Variants in OR6N2 observed in about 807,000 individuals in gnomAD.
OR6N2 encodes olfactory receptor family 6 subfamily N member 2, also known as olfactory receptor 6N2.
For missense variants in OR6N2, 399 were observed against 379.7 expected, an observed-to-expected ratio of 1.05 and a Z score of -0.42; for synonymous variants, 160 against 138.3, an observed-to-expected ratio of 1.16 and a Z score of -1.10.
At chr1:158,779,053 A>G (rs2102016634) in intron 1 of OR6N2, among the ~76,000 whole-genome samples, 1 of 149,760 alleles carries the variant, frequency 6.7e-6, no homozygotes, top group African/African-American at 2.5e-5. Context: ...TCAAAAACAA[A>G]CATGATAGAG....
In OR6N2 at chr1:158,776,985, A is replaced by G. The variant is rs1227225116; in HGVS notation, c.651T>C (p.Ser217=). The change falls in exon 2 of 2, where the codon TCT becomes TCC. Residue 217 remains serine (S), a synonymous_variant. Coordinates refer to ENST00000641131, the MANE Select transcript of OR6N2 (RefSeq NM_001005278.2). ...ILITFFFIMI[S]YARIIGAVLK... ...GCACAGCCCCAATGATCCTTGCATAAGAAATCATGATAAAGAAGAAAGTGA... is the reference window on the plus strand; with the variant it reads ...GCACAGCCCCAATGATCCTTGCATAGGAAATCATGATAAAGAAGAAAGTGA... 5.6e-6 allele frequency: 9 copies of G among 1,614,072 alleles called. No homozygotes were observed. Among genetic ancestry groups the G allele is most frequent in the Non-Finnish European group, 7.6e-6 (9 of 1,180,034 alleles).
At position 158,776,435 on chromosome 1, in the gene OR6N2, C is replaced by T. The variant is rs144865543; in HGVS notation, c.*247G>A. 530 of 327,192 alleles carry T rather than the reference C, an allele frequency of 1.6e-3. 3 individuals are homozygous for T. The highest frequency in any genetic ancestry group is 0.011 in the African/African-American group (489 of 46,454). The allele number at this position is 327,192 out of a possible 1,614,324, so 20.3% of individuals were successfully genotyped here. ...CTCTAGCTGGATGGAAATGTGTGGA[C>T]CTAGGAAATATACATGCTTTTTTTT... On this transcript the variant is annotated 3_prime_UTR_variant, in exon 2 of 2. Coordinates refer to ENST00000641131, the MANE Select transcript of OR6N2 (RefSeq NM_001005278.2).
Position 158,777,072 on chromosome 1 carries a change from G to A in OR6N2, c.564C>T (p.Ala188=). ...GAATGTTAGCAGATGTGTCCTTGCAGGCCAAGCTCAGCAAAGGTGGAAAGT... is the reference window on the plus strand; with the variant it reads ...GAATGTTAGCAGATGTGTCCTTGCAAGCCAAGCTCAGCAAAGGTGGAAAGT... ...FCDFPPLLSL[A]CKDTSANILV... The change falls in exon 2 of 2, where the codon GCC becomes GCT. Residue 188 remains alanine, a synonymous_variant. Coordinates refer to ENST00000641131, the MANE Select transcript of OR6N2 (RefSeq NM_001005278.2). 6.2e-7 allele frequency: 1 copy of A among 1,614,134 alleles called. No individual in the cohort carries two copies. Among genetic ancestry groups the A allele is most frequent in the African/African-American group, 1.3e-5 (1 of 75,042 alleles).
At chr1:158,777,740 G>T in intron 1 of OR6N2, 99 bp from the exon 2 acceptor site, 2 of 699,412 alleles carry the variant, frequency 2.9e-6, no homozygotes, top group Non-Finnish European at 2.4e-6. Flanking sequence ...CTTAAAAGTA[G>T]CACTGAAATT....
intron 1 of OR6N2, among the ~76,000 whole-genome samples, chr1:158,780,558 A>G (rs1274128868): frequency 2.6e-5 from 4 of 152,226 alleles, no homozygotes; most frequent in African/African-American, 9.6e-5. Flanking sequence ...CCCAAACATC[A>G]TATGTTAGCC....
rs771450756 is a variant in OR6N2, at chr1:158,776,875, C to T, written c.761G>A (p.Ser254Asn). Residue 254 changes from serine (S) to asparagine (N), a missense_variant, in exon 2 of 2, where the codon AGC becomes AAC. By Grantham distance (46) the Ser-to-Asn change is conservative. Coordinates refer to ENST00000641131, the MANE Select transcript of OR6N2 (RefSeq NM_001005278.2). ...HLAVVLIFFG[S>N]IIFMYVRLKK... ...TAGCCGCACATACATGAAGATGATG[C>T]TCCCAAAGAAGATGAGGACCACAGC... 10 of 1,613,992 alleles carry T rather than the reference C, an allele frequency of 6.2e-6. No individual in the cohort carries two copies. The highest frequency in any genetic ancestry group is 5.5e-5 in the South Asian group (5 of 91,072).
chr1:158,778,962 T>C (rs1657678168), intron 1 of OR6N2, among the ~76,000 whole-genome samples: 1 of 138,060 alleles, frequency 7.2e-6, no homozygotes, highest in Non-Finnish European at 1.5e-5. Context: ...GAGCTTGCAG[T>C]GAGCCGAGAT....
In OR6N2 at chr1:158,777,165, A is replaced by T. The variant is rs114399082; in HGVS notation, c.471T>A (p.Ile157=). 8.9e-4 allele frequency: 1,431 copies of T among 1,614,114 alleles called. 8 individuals are homozygous for T. The African/African-American group carries it at 0.017, about 19-fold the overall frequency. ...ACWTCGFLCP[I]SEVILASQLP... ...GCTGGGAGGCAAGGATGACCTCAGA[A>T]ATGGGACACAGGAAGCCACAAGTCC... Residue 157 remains isoleucine, a synonymous_variant, in exon 2 of 2, where the codon ATT becomes ATA. Transcript: ENST00000641131.
Position 158,777,144 on chromosome 1 carries a change from G to A in OR6N2, c.492C>T (p.Ser164=), listed in dbSNP as rs1657620515. The change falls in exon 2 of 2, where the codon TCC becomes TCT. Residue 164 remains serine (S), a synonymous_variant. Coordinates refer to ENST00000641131, the MANE Select transcript of OR6N2 (RefSeq NM_001005278.2). ...CATTGTAAGCACAAAATGGGAGCTG[G>A]GAGGCAAGGATGACCTCAGAAATGG... The part of the protein sequence containing the change: ...LCPISEVILA[S]QLPFCAYNEI... The A allele has an allele frequency of 1.2e-6, 2 of 1,613,990 alleles. No homozygotes were observed. Among genetic ancestry groups the A allele is most frequent in the South Asian group, 1.1e-5 (1 of 91,082 alleles).
At chr1:158,780,465 T>A (rs1023361945) in intron 1 of OR6N2, among the ~76,000 whole-genome samples, 1 of 152,124 alleles carries the variant, frequency 6.6e-6, no homozygotes. Flanking sequence ...GAGAATACAA[T>A]ATAGATGCTC....
chr1:158,777,345 G>T lies in OR6N2; in HGVS notation c.291C>A (p.Cys97Ter), dbSNP rs1657628520. 1 of 1,614,166 alleles carries T rather than the reference G, an allele frequency of 6.2e-7. No homozygotes were observed. The highest frequency in any genetic ancestry group is 2.2e-5 in the East Asian group (1 of 44,882). ...AGTGGAAGAAGTAGGTCTGAAGGAG[G>T]CATCCTGCAAAAGAAATGGTTTTCT... ...SEKKTISFAG[C>*]LLQTYFFHSL... Residue 97 changes from cysteine (C) to a stop codon, truncating the protein, a stop_gained, in exon 2 of 2, where the codon TGC becomes TGA. Coordinates refer to ENST00000641131, the MANE Select transcript of OR6N2 (RefSeq NM_001005278.2). LOFTEE classifies it low-confidence loss of function (END_TRUNC).
rs1263026004 is a variant in OR6N2, at chr1:158,775,028, T to C, written c.*1654A>G. On this transcript the variant is annotated 3_prime_UTR_variant, in exon 2 of 2. Transcript: ENST00000641131. ...TCATCCTATTTAGGTGCTGTGTTAG[T>C]TTCTGGACACACAACAAATAAAAAA... 6.6e-6 allele frequency: 1 copy of C among 152,236 alleles called. No homozygotes were observed. Among genetic ancestry groups the C allele is most frequent in the East Asian group, 1.9e-4 (1 of 5,202 alleles). 9.4% of individuals were successfully genotyped at this position (152,236 alleles called of 1,614,324 possible). A position where few individuals can be genotyped will look rare whatever the true frequency, so the allele number is the denominator to read the frequency against.
rs1254903945 is a variant in OR6N2, at chr1:158,777,448, A to G, written c.188T>C (p.Val63Ala). Reference sequence around the variant, plus strand: ...CAACTCCAAGAAGGAAAGAACACTGACAAAGTGGTACATAGGTGTGTGCAG... The same window carrying G: ...CAACTCCAAGAAGGAAAGAACACTGGCAAAGTGGTACATAGGTGTGTGCAG... Reference protein sequence around the residue: ...AALHTPMYHFVSVLSFLELWY... With the variant: ...AALHTPMYHFASVLSFLELWY... Residue 63 changes from valine (V) to alanine (A), a missense_variant, in exon 2 of 2, where the codon GTC (valine) becomes GCC (alanine). Coordinates refer to ENST00000641131, the MANE Select transcript of OR6N2 (RefSeq NM_001005278.2). The G allele has an allele frequency of 6.2e-7, 1 of 1,614,212 alleles. No individual in the cohort carries two copies. Among genetic ancestry groups the G allele is most frequent in the South Asian group, 1.1e-5 (1 of 91,080 alleles).
Position 158,777,171 on chromosome 1 carries a change from A to G in OR6N2, c.465T>C (p.Cys155=). ...AAACWTCGFL[C]PISEVILASQ... ...AGGCAAGGATGACCTCAGAAATGGG[A>G]CACAGGAAGCCACAAGTCCAACAAG... The change falls in exon 2 of 2, where the codon TGT becomes TGC. Residue 155 remains cysteine (C), a synonymous_variant. Coordinates refer to ENST00000641131, the MANE Select transcript of OR6N2 (RefSeq NM_001005278.2). 6.2e-7 allele frequency: 1 copy of G among 1,614,112 alleles called. No homozygotes were observed.
chr1:158,780,998 A>T (rs1389852838), intron 1 of OR6N2, among the ~76,000 whole-genome samples, 172 bp downstream of exon 1: 1 of 152,222 alleles, frequency 6.6e-6, no homozygotes, highest in African/African-American at 2.4e-5. Context: ...TCCAAATCTG[A>T]TACTCTAAGA....
Position 158,774,605 on chromosome 1 carries a change from T to G in OR6N2, c.*2077A>C, listed in dbSNP as rs542680960. The G allele has an allele frequency of 6.6e-6, 1 of 152,200 alleles. No homozygotes were observed. The highest frequency in any genetic ancestry group is 1.5e-5 in the Non-Finnish European group (1 of 68,044). The allele number at this position is 152,200 out of a possible 1,614,324, so 9.4% of individuals were successfully genotyped here. ...GTGTGACCTAGCAATCCTATACTTA[T>G]GCATTTTCCCAAATGACATGAAAAT... On this transcript the variant is annotated 3_prime_UTR_variant, in exon 2 of 2. Coordinates refer to ENST00000641131, the MANE Select transcript of OR6N2 (RefSeq NM_001005278.2).
rs752237667 is a variant in OR6N2 at position 158,777,184 on chromosome 1, C to T, written c.452G>A (p.Cys151Tyr). 3 of 1,614,024 alleles carry T rather than the reference C, an allele frequency of 1.9e-6. No homozygotes were observed. Among genetic ancestry groups the T allele is most frequent in the Middle Eastern group, 1.6e-4 (1 of 6,062 alleles). Residue 151 changes from cysteine (C) to tyrosine (Y), a missense_variant, in exon 2 of 2, where the codon TGT (cysteine) becomes TAT (tyrosine). Cys to Tyr is a radical substitution (Grantham distance 194). Transcript: ENST00000641131. The part of the protein sequence containing the change: ...CAKMAAACWT[C>Y]GFLCPISEVI... ...CTCAGAAATGGGACACAGGAAGCCA[C>T]AAGTCCAACAAGCAGCAGCCATCTT...
rs975317676 is a variant in OR6N2 at position 158,774,994 on chromosome 1, A to G, written c.*1688T>C. On this transcript the variant is annotated 3_prime_UTR_variant, in exon 2 of 2. Transcript: ENST00000641131. ...CACATGTTTCATTCATTACGATTGC[A>G]TTGAATACTCATCCTATTTAGGTGC... 1 of 152,224 alleles carries G rather than the reference A, an allele frequency of 6.6e-6. No homozygotes were observed. Among genetic ancestry groups the G allele is most frequent in the African/African-American group, 2.4e-5 (1 of 41,454 alleles). The allele number at this position is 152,224 out of a possible 1,614,324, so 9.4% of individuals were successfully genotyped here. A position where few individuals can be genotyped will look rare whatever the true frequency, so the allele number is the denominator to read the frequency against.
rs139851411 is a variant in OR6N2, at chr1:158,777,310, G to A, written c.326C>T (p.Ala109Val). The change falls in exon 2 of 2, where the codon GCG becomes GTG. Residue 109 changes from alanine to valine, a missense_variant. Transcript: ENST00000641131. Reference sequence around the variant, plus strand: ...GGCTGTAAGAAGGTAGCATTCAGACGCTCCCAAGGAGTGGAAGAAGTAGGT... The same window carrying A: ...GGCTGTAAGAAGGTAGCATTCAGACACTCCCAAGGAGTGGAAGAAGTAGGT... ...LQTYFFHSLG[A>V]SECYLLTAMA... The A allele has an allele frequency of 9.8e-5, 158 of 1,614,058 alleles. 1 individual carries two copies. In the African/African-American group the frequency reaches 1.0e-3, roughly 10 times the overall value.
Sources: gnomAD v4.1 joint callset for allele counts (sites outside exome capture counted in the v4.1 genomes callset) on GRCh38, gnomAD v4.1.1 for gene constraint, MANE v1.5 for transcripts, NCBI Gene and HGNC (gene_info 2026-07-23, HGNC 2026-07-21) for gene names.